LTBP1: variants seen among roughly 807,000 people sequenced by gnomAD.
LTBP1 encodes latent-transforming growth factor beta-binding protein 1.
Under a neutral mutation model 207.6 loss-of-function variants are expected in LTBP1, and 129 were observed. The observed-to-expected ratio is 0.62, with a 90% CI of 0.54 to 0.72. The LOEUF is 0.72. Ranked by LOEUF, LTBP1 falls within the 30% of genes least tolerant of loss-of-function variation. The pLI, the probability that LTBP1 is intolerant of heterozygous loss-of-function variation, is 0.00. For synonymous variants in LTBP1, 963 were observed against 833.7 expected (o/e 1.16, Z -2.67); for missense variants, 2,281 against 2,217.2 (o/e 1.03, Z -0.58).
At chr2:33,329,083 C>T (rs1211497897) in intron 24 of LTBP1, among the ~76,000 whole-genome samples, 1 of 152,066 alleles carries the variant, frequency 6.6e-6, no homozygotes, top group African/African-American at 2.4e-5. Context: ...ATGTTTCACT[C>T]ACATATATAT....
At chr2:32,979,736 A>G (rs370559985) in intron 2 of LTBP1, among the ~76,000 whole-genome samples, 8 of 152,096 alleles carry the variant, frequency 5.3e-5, no homozygotes, top group East Asian at 3.9e-4. Flanking sequence ...TTCTTTGTTG[A>G]TATTCTGTCT....
At chr2:33,092,476 C>T (rs2079156178) in intron 3 of LTBP1, among the ~76,000 whole-genome samples, 1 of 152,196 alleles carries the variant, frequency 6.6e-6, no homozygotes, top group Non-Finnish European at 1.5e-5. Context: ...ATATAGACTC[C>T]CATCAAATAG....
At chr2:32,950,882 T>G (rs1186139621) in intron 2 of LTBP1, among the ~76,000 whole-genome samples, 1 of 152,186 alleles carries the variant, frequency 6.6e-6, no homozygotes, top group East Asian at 1.9e-4. Flanking sequence ...GCTTGGGGAA[T>G]TCGGGGATCC....
At chr2:33,220,410 G>C (rs1375803691) in intron 8 of LTBP1, among the ~76,000 whole-genome samples, 1 of 152,000 alleles carries the variant, frequency 6.6e-6, no homozygotes, top group African/African-American at 2.4e-5. Context: ...TTTTTGTTTA[G>C]CCACATACAG....
At chr2:33,099,867 C>T (rs2079617359) in intron 3 of LTBP1, among the ~76,000 whole-genome samples, 2 of 152,322 alleles carry the variant, frequency 1.3e-5, no homozygotes, top group East Asian at 3.9e-4. Flanking sequence ...AACAGCTTCT[C>T]TGACATCTTC....
intron 25 of LTBP1, among the ~76,000 whole-genome samples, chr2:33,346,577 AGG>A (rs1163049360): frequency 1.3e-5 from 2 of 151,978 alleles, no homozygotes; most frequent in Non-Finnish European, 2.9e-5. Flanking sequence ...CCAGCTACTC[AGG>A]AGGCTGAGTC....
intron 4 of LTBP1, among the ~76,000 whole-genome samples, chr2:33,114,163 T>TA (rs555606515): frequency 6.6e-6 from 1 of 152,226 alleles, no homozygotes; most frequent in Non-Finnish European, 1.5e-5. Context: ...TCTCTAGTGA[T>TA]AAATTAATAA....
chr2:33,121,941 C>T (rs2081146162), intron 4 of LTBP1, among the ~76,000 whole-genome samples: 1 of 152,138 alleles, frequency 6.6e-6, no homozygotes, highest in Non-Finnish European at 1.5e-5. Context: ...ACTTTCTCCC[C>T]TAACATTTTA....
chr2:33,288,711 C>T (rs2093714856), intron 19 of LTBP1, among the ~76,000 whole-genome samples: 1 of 151,856 alleles, frequency 6.6e-6, no homozygotes, highest in Non-Finnish European at 1.5e-5. Flanking sequence ...AAAAATTAGC[C>T]AGGTGTGCTG....
intron 2 of LTBP1, among the ~76,000 whole-genome samples, chr2:33,013,091 A>G (rs973728458): frequency 6.6e-6 from 1 of 152,322 alleles, no homozygotes; most frequent in African/African-American, 2.4e-5. Flanking sequence ...GTGGACACCT[A>G]CATATATGTA....
At chr2:33,228,994 C>T (rs1027271194) in intron 9 of LTBP1, among the ~76,000 whole-genome samples, 5 of 151,822 alleles carry the variant, frequency 3.3e-5, no homozygotes, top group South Asian at 4.1e-4. Flanking sequence ...CCACTGTACC[C>T]GGCCCTAACC....
chr2:33,002,725 T>C (rs1686220513), intron 2 of LTBP1, among the ~76,000 whole-genome samples: 1 of 152,180 alleles, frequency 6.6e-6, no homozygotes, highest in African/African-American at 2.4e-5. Context: ...TCGCCCAGGC[T>C]GGAGTGCAGT....
At chr2:33,229,260 A>G (rs1250849960) in intron 9 of LTBP1, among the ~76,000 whole-genome samples, 1 of 152,110 alleles carries the variant, frequency 6.6e-6, no homozygotes, top group East Asian at 1.9e-4. Flanking sequence ...GCTTGAGGCT[A>G]GGAGTTTAAA....
chr2:32,950,766 T>G (rs1676984319), intron 2 of LTBP1, among the ~76,000 whole-genome samples: 1 of 152,202 alleles, frequency 6.6e-6, no homozygotes, highest in Non-Finnish European at 1.5e-5. Flanking sequence ...CAGAAGCTCC[T>G]TGATGCCTGT....
In LTBP1 at chr2:33,259,619, T is replaced by C. The variant is rs746190850; in HGVS notation, c.2418+9T>C. On this transcript the variant is annotated intron_variant, in intron 13 of 33. Coordinates refer to ENST00000404816, the MANE Select transcript of LTBP1 (RefSeq NM_206943.4). Reference sequence around the variant, plus strand: ...CTGCACCCCCTGAAAAGGTAATTTATTCATTGCTTGCAAGTCTTTTTTTTT... The same window carrying C: ...CTGCACCCCCTGAAAAGGTAATTTACTCATTGCTTGCAAGTCTTTTTTTTT... 6.2e-7 allele frequency: 1 copy of C among 1,603,464 alleles called. No individual in the cohort carries two copies. The highest frequency in any genetic ancestry group is 8.5e-7 in the Non-Finnish European group (1 of 1,175,746).
At chr2:32,982,271 T>G (rs572249931) in intron 2 of LTBP1, among the ~76,000 whole-genome samples, 1 of 152,154 alleles carries the variant, frequency 6.6e-6, no homozygotes, top group Non-Finnish European at 1.5e-5. Flanking sequence ...GCCCTAGAGA[T>G]CTGTGGAACT....
At chr2:33,182,437 C>T (rs528081028) in intron 5 of LTBP1, among the ~76,000 whole-genome samples, 14 of 151,644 alleles carry the variant, frequency 9.2e-5, no homozygotes, top group South Asian at 4.2e-4. Flanking sequence ...CCGAGGTGGG[C>T]GGATGATGAA....
At chr2:32,961,388 G>A (rs1437265827) in intron 2 of LTBP1, among the ~76,000 whole-genome samples, 2 of 152,120 alleles carry the variant, frequency 1.3e-5, no homozygotes, top group African/African-American at 4.8e-5. Context: ...AATTAATGGG[G>A]ATCCTTACAT....
At chr2:33,313,909 A>G (rs2094223721) in intron 23 of LTBP1, among the ~76,000 whole-genome samples, 3 of 152,188 alleles carry the variant, frequency 2.0e-5, no homozygotes, top group Non-Finnish European at 1.5e-5. Context: ...TATCAGAACC[A>G]TTGTGAACAG....
Sources: gnomAD v4.1 joint callset for allele counts (sites outside exome capture counted in the v4.1 genomes callset) on GRCh38, gnomAD v4.1.1 for gene constraint, MANE v1.5 for transcripts, NCBI Gene and HGNC (gene_info 2026-07-23, HGNC 2026-07-21) for gene names.